ABCG8: variants seen among roughly 807,000 people sequenced by gnomAD.
The protein encoded by ABCG8 is ATP binding cassette subfamily G member 8, also known as ATP-binding cassette sub-family G member 8.
ABCG8 carries 81 observed loss-of-function variants against 71.3 expected under a neutral mutation model. The ratio of observed to expected loss-of-function variants is 1.14; its 90% CI spans 0.95 to 1.37. The LOEUF (loss-of-function observed/expected upper bound fraction) is 1.37. Among genes scored for constraint, ABCG8 ranks in the 40% most tolerant of loss-of-function variants. The probability of loss-of-function intolerance (pLI) is 0.00; values close to 1 mark genes in which losing one functional copy is unlikely to be tolerated. For missense variants in ABCG8, 1,119 were observed against 866.2 expected (o/e 1.29, Z -3.66); for synonymous variants, 451 against 354.7 (o/e 1.27, Z -3.05).
At chr2:43,851,248 G>C (rs752000832) in intron 3 of ABCG8, among the ~76,000 whole-genome samples, 1 of 152,206 alleles carries the variant, frequency 6.6e-6, no homozygotes, top group Non-Finnish European at 1.5e-5. Flanking sequence ...GTGGCAGGAG[G>C]GGACAAATGC....
At chr2:43,846,990 G>GCACACA (rs368330289) in intron 3 of ABCG8, 2,090 of 110,896 alleles carry the variant, frequency 0.019, 39 homozygotes, top group African/African-American at 0.073. Context: ...ACGCGCGCGT[G>GCACACA]CACACACACA....
chr2:43,875,547 TTGCCCAC>T, intron 11 of ABCG8, 134 bp downstream of exon 11: 1 of 1,151,074 alleles, frequency 8.7e-7, no homozygotes, highest in Non-Finnish European at 1.2e-6. Flanking sequence ...GCAGAGGCCT[TTGCCCAC>T]TGCCCTGGAG....
At chr2:43,855,348 T>G (rs915804419) in intron 6 of ABCG8, among the ~76,000 whole-genome samples, 1 of 151,748 alleles carries the variant, frequency 6.6e-6, no homozygotes, top group African/African-American at 2.4e-5. Flanking sequence ...CTGGATAGAA[T>G]TCTCACTCTC....
At chr2:43,863,078 T>A (rs1669386502) in intron 6 of ABCG8, among the ~76,000 whole-genome samples, 2 of 151,200 alleles carry the variant, frequency 1.3e-5, no homozygotes, top group African/African-American at 4.8e-5. Context: ...TTGATAGGGT[T>A]CTCACCATAT....
At chr2:43,856,786 CACTA>C (rs1162100024) in intron 6 of ABCG8, among the ~76,000 whole-genome samples, 2 of 151,726 alleles carry the variant, frequency 1.3e-5, no homozygotes, top group African/African-American at 2.4e-5. Flanking sequence ...ATAAAACTCT[CACTA>C]TCTATCTGGA....
At chr2:43,843,344 T>C (rs1668640360) in intron 1 of ABCG8, among the ~76,000 whole-genome samples, 1 of 152,188 alleles carries the variant, frequency 6.6e-6, no homozygotes, top group Admixed American at 6.5e-5. Context: ...AACTTGTTAA[T>C]GAAAGTGTAC....
chr2:43,846,503 G>A, intron 3 of ABCG8, 192 bp downstream of exon 3: 1 of 784,058 alleles, frequency 1.3e-6, no homozygotes, highest in Non-Finnish European at 2.1e-6. Context: ...TGGCTTGAGG[G>A]TAGGTGCTGT....
intron 11 of ABCG8, among the ~76,000 whole-genome samples, chr2:43,877,336 A>AGGAGATCGTGGGAATATGG (rs1428285387): frequency 1.3e-5 from 2 of 150,066 alleles, no homozygotes; most frequent in African/African-American, 4.9e-5. Context: ...ATCAATATAA[A>AGGAGATCGTGGGAATATGG]GGAGATCGTG....
chr2:43,864,402 A>G (rs1183529748), intron 6 of ABCG8, among the ~76,000 whole-genome samples: 1 of 151,224 alleles, frequency 6.6e-6, no homozygotes, highest in Non-Finnish European at 1.5e-5. Context: ...AGCACTCACT[A>G]TCTGGATAGA....
Position 43,877,866 on chromosome 2 carries a change from T to C in ABCG8, c.1975T>C (p.Tyr659His). The change falls in exon 13 of 13, where the codon TAC becomes CAC. Residue 659 changes from tyrosine to histidine, a missense_variant. Transcript: ENST00000272286. ...GLSGGFMVLYYVSLRFIKQKP... is the reference protein window; with the variant it reads ...GLSGGFMVLYHVSLRFIKQKP... ...CAGCGGTGGCTTCATGGTCCTGTAC[T>C]ACGTGTCCTTAAGGTTCATCAAACA... 6.2e-7 allele frequency: 1 copy of C among 1,614,122 alleles called. No homozygotes were observed. Among genetic ancestry groups the C allele is most frequent in the Non-Finnish European group, 8.5e-7 (1 of 1,180,016 alleles).
At chr2:43,854,778 G>C (rs996284345) in intron 6 of ABCG8, among the ~76,000 whole-genome samples, 1 of 152,178 alleles carries the variant, frequency 6.6e-6, no homozygotes, top group Non-Finnish European at 1.5e-5. Flanking sequence ...GGGAGATCCT[G>C]GCTGTGGCTG....
chr2:43,847,377 C>T (rs966141079), intron 3 of ABCG8: 3 of 152,174 alleles, frequency 2.0e-5, no homozygotes, highest in Non-Finnish European at 2.9e-5. Context: ...CCCTCTCACT[C>T]TGTCCCTGTC....
intron 6 of ABCG8, among the ~76,000 whole-genome samples, chr2:43,859,446 G>C (rs1002528749): frequency 8.6e-5 from 13 of 150,930 alleles, no homozygotes; most frequent in Admixed American, 6.6e-4. Context: ...TATCTATCTG[G>C]ATAGAGCTCT....
chr2:43,842,035 C>T (rs545739461), intron 1 of ABCG8, among the ~76,000 whole-genome samples: 8 of 151,298 alleles, frequency 5.3e-5, no homozygotes, highest in Non-Finnish European at 1.0e-4. Context: ...TTGACAGAGT[C>T]TCACGCTGTG....
In ABCG8 at chr2:43,846,146, TC is replaced by T; in HGVS notation, c.166-5del. ...GCTCTCTAAGGAACCTTCTGATATC[TC>T]CCCACAGGTGGACCTGGCCTCTCAG... On this transcript the variant is annotated splice_polypyrimidine_tract_variant and splice_region_variant and intron_variant, in intron 2 of 12. Transcript: ENST00000272286. The T allele has an allele frequency of 6.2e-7, 1 of 1,612,732 alleles. No individual in the cohort carries two copies. Among genetic ancestry groups the T allele is most frequent in the East Asian group, 2.2e-5 (1 of 44,870 alleles).
At chr2:43,857,497 C>G (rs1206988441) in intron 6 of ABCG8, among the ~76,000 whole-genome samples, 2 of 151,664 alleles carry the variant, frequency 1.3e-5, no homozygotes, top group Middle Eastern at 3.2e-3. Context: ...AGAATTCTCA[C>G]TCTGGAAAGA....
In ABCG8 at chr2:43,874,512, C is replaced by CT. The variant is rs761408677; in HGVS notation, c.1488+29_1488+30insT. On this transcript the variant is annotated intron_variant, in intron 10 of 12. Coordinates refer to ENST00000272286, the MANE Select transcript of ABCG8 (RefSeq NM_022437.3). ...ACTGGGCAGGGTTGAGAGCAAGTGC[C>CT]CCCCACCCACCAGGGTGGGGGTAAG... The CT allele has an allele frequency of 9.2e-5, 144 of 1,563,054 alleles. 1 individual carries two copies. The highest frequency in any genetic ancestry group is 4.7e-4 in the Admixed American group (28 of 59,842).
chr2:43,868,765 A>G lies in ABCG8; in HGVS notation c.965-3211A>G, dbSNP rs115396697. Among the ~76,000 whole-genome samples, 1,149 of 149,510 alleles carry G rather than the reference A, an allele frequency of 7.7e-3. 19 individuals carry two copies. The highest frequency in any genetic ancestry group is 0.026 in the African/African-American group (1,032 of 40,400). Reference sequence around the variant, plus strand: ...ATAGAATTCTCACTCTGTGGATAGAACTCTGACAATGTATCTGGATAGAAT... The same window carrying G: ...ATAGAATTCTCACTCTGTGGATAGAGCTCTGACAATGTATCTGGATAGAAT... On this transcript the variant is annotated intron_variant, in intron 6 of 12. Transcript: ENST00000272286.
rs199737442 is a variant in ABCG8, at chr2:43,852,690, C to A, written c.786C>A (p.Asn262Lys). The change falls in exon 6 of 13, where the codon AAC (asparagine) becomes AAA (lysine). Residue 262 changes from asparagine (N) to lysine (K), a missense_variant. By Grantham distance (94) the Asn-to-Lys change is moderately conservative (BLOSUM62 0). Transcript: ENST00000272286. Reference sequence around the variant, plus strand: ...CCTTGTCCAGGCTGGCCAAAGGCAACCGGCTGGTGCTCATCTCCCTCCACC... The same window carrying A: ...CCTTGTCCAGGCTGGCCAAAGGCAAACGGCTGGTGCTCATCTCCCTCCACC... ...VKTLSRLAKG[N>K]RLVLISLHQP... 11 of 1,614,184 alleles carry A rather than the reference C, an allele frequency of 6.8e-6. No homozygotes were observed. In the East Asian group the frequency reaches 2.2e-4, roughly 33 times the overall value.
Sources: gnomAD v4.1 joint callset for allele counts (sites outside exome capture counted in the v4.1 genomes callset) on GRCh38, gnomAD v4.1.1 for gene constraint, MANE v1.5 for transcripts, NCBI Gene and HGNC (gene_info 2026-07-23, HGNC 2026-07-21) for gene names.